ZNF385D: variants seen among roughly 807,000 people sequenced by gnomAD.
ZNF385D encodes zinc finger protein 659.
Under a neutral mutation model 35.8 loss-of-function variants are expected in ZNF385D, and 15 were observed. The ratio of observed to expected loss-of-function variants is 0.42; its 90% confidence interval spans 0.28 to 0.64. ZNF385D has a LOEUF of 0.64. Among genes scored for constraint, ZNF385D ranks in the 30% least tolerant of loss-of-function variants. ZNF385D has a pLI of 0.23. For synonymous variants in ZNF385D, 212 were observed against 186.8 expected (o/e 1.13, Z -1.10); for missense variants, 474 against 494.6 (o/e 0.96, Z 0.39).
At chr3:22,082,785 G>A (rs1454668470) in intron 3 of ZNF385D, among the ~76,000 whole-genome samples, 1 of 152,170 alleles carries the variant, frequency 6.6e-6, no homozygotes, top group Non-Finnish European at 1.5e-5. Context: ...GCCTAACTGG[G>A]AGACACCTCC....
intron 3 of ZNF385D, among the ~76,000 whole-genome samples, chr3:21,870,701 A>C (rs934368482): frequency 1.3e-5 from 2 of 152,144 alleles, no homozygotes; most frequent in Non-Finnish European, 2.9e-5. Context: ...ACTTTTATAG[A>C]TAGGTAGATA....
At chr3:22,148,705 C>G (rs1705027001) in intron 3 of ZNF385D, among the ~76,000 whole-genome samples, 1 of 152,168 alleles carries the variant, frequency 6.6e-6, no homozygotes, top group African/African-American at 2.4e-5. Flanking sequence ...TATGGCTTAT[C>G]AATTGGATCT....
chr3:22,271,986 CAT>C (rs1311130596), intron 2 of ZNF385D, among the ~76,000 whole-genome samples: 1 of 152,044 alleles, frequency 6.6e-6, no homozygotes, highest in Non-Finnish European at 1.5e-5. Context: ...TCTCAGCAAT[CAT>C]GTGGTTAAAC....
At chr3:21,844,467 T>C (rs2125793829) in intron 3 of ZNF385D, among the ~76,000 whole-genome samples, 1 of 150,834 alleles carries the variant, frequency 6.6e-6, no homozygotes, top group East Asian at 2.0e-4. Context: ...GATGCTAAAG[T>C]TGTCCGAAGC....
chr3:21,657,385 C>T (rs2066102754), intron 2 of ZNF385D, among the ~76,000 whole-genome samples: 1 of 151,936 alleles, frequency 6.6e-6, no homozygotes, highest in Non-Finnish European at 1.5e-5. Context: ...TTTTGTGCTT[C>T]GAGGTCACTA....
intron 2 of ZNF385D, among the ~76,000 whole-genome samples, chr3:22,316,159 T>C (rs1364233475): frequency 6.6e-6 from 1 of 152,118 alleles, no homozygotes; most frequent in Non-Finnish European, 1.5e-5. Flanking sequence ...AGGAGGATGG[T>C]TTTCCACACT....
At chr3:21,449,179 G>A (rs1437528258) in intron 4 of ZNF385D, among the ~76,000 whole-genome samples, 1 of 151,310 alleles carries the variant, frequency 6.6e-6, no homozygotes, top group Admixed American at 6.6e-5. Flanking sequence ...TATTAATAAA[G>A]TATGCTAAGA....
chr3:22,270,522 A>G (rs1701118635), intron 2 of ZNF385D, among the ~76,000 whole-genome samples: 2 of 152,074 alleles, frequency 1.3e-5, no homozygotes, highest in South Asian at 2.1e-4. Flanking sequence ...AATTAATAGT[A>G]ACTATTCCTC....
intron 3 of ZNF385D, among the ~76,000 whole-genome samples, chr3:22,141,781 G>A: frequency 6.6e-6 from 1 of 152,168 alleles, no homozygotes; most frequent in East Asian, 1.9e-4. Flanking sequence ...ATCTAATGAA[G>A]TCGTTATTCA....
intron 3 of ZNF385D, among the ~76,000 whole-genome samples, chr3:22,027,752 T>A (rs1697652349): frequency 6.6e-6 from 1 of 152,136 alleles, no homozygotes; most frequent in Non-Finnish European, 1.5e-5. Context: ...AGGCACAAGT[T>A]ACATGAGAAA....
At chr3:21,429,773 T>C (rs1448960469) in intron 5 of ZNF385D, among the ~76,000 whole-genome samples, 2 of 152,150 alleles carry the variant, frequency 1.3e-5, no homozygotes, top group African/African-American at 4.8e-5. Context: ...GCCCATTAAA[T>C]ACTATTTAAT....
At chr3:21,850,008 C>G (rs192584196) in intron 3 of ZNF385D, among the ~76,000 whole-genome samples, 1 of 151,908 alleles carries the variant, frequency 6.6e-6, no homozygotes, top group Non-Finnish European at 1.5e-5. Context: ...CCTGCCAAAG[C>G]GTTGGAATCA....
At chr3:21,636,097 T>C (rs1041553367) in intron 2 of ZNF385D, among the ~76,000 whole-genome samples, 1 of 151,970 alleles carries the variant, frequency 6.6e-6, no homozygotes, top group Non-Finnish European at 1.5e-5. Context: ...CTGAATCAAA[T>C]AGTAGTTCTA....
At chr3:22,106,722 C>T (rs1702232316) in intron 3 of ZNF385D, among the ~76,000 whole-genome samples, 1 of 152,174 alleles carries the variant, frequency 6.6e-6, no homozygotes, top group African/African-American at 2.4e-5. Context: ...AACCTGTCTT[C>T]CAGAATCCCT....
chr3:21,796,733 A>G (rs1013780835), intron 3 of ZNF385D, among the ~76,000 whole-genome samples: 38 of 152,320 alleles, frequency 2.5e-4, no homozygotes, highest in African/African-American at 6.5e-4. Flanking sequence ...TTGATAAGGA[A>G]AATGAGGCTC....
At chr3:21,665,763 A>G (rs541603661) in intron 1 of ZNF385D, among the ~76,000 whole-genome samples, 1 of 152,296 alleles carries the variant, frequency 6.6e-6, no homozygotes, top group Admixed American at 6.5e-5. Flanking sequence ...GCCTTTTGCA[A>G]GAGAGCACAT....
chr3:22,178,429 GT>G (rs1326146544), intron 2 of ZNF385D, among the ~76,000 whole-genome samples: 1 of 151,948 alleles, frequency 6.6e-6, no homozygotes, highest in Admixed American at 6.6e-5. Flanking sequence ...TGTTGATGGG[GT>G]TGTTTTTTTC....
intron 3 of ZNF385D, among the ~76,000 whole-genome samples, chr3:21,824,857 A>G (rs889523434): frequency 1.3e-5 from 2 of 152,326 alleles, no homozygotes; most frequent in South Asian, 4.1e-4. Context: ...ACCATAGGGA[A>G]ATGGTGGAGA....
chr3:21,961,310 A>C (rs1474832934), intron 3 of ZNF385D: 1 of 152,154 alleles, frequency 6.6e-6, no homozygotes, highest in African/African-American at 2.4e-5. Context: ...AACTTACAGG[A>C]ATTTTCTTTC....
Sources: allele counts gnomAD v4.1 joint callset (sites outside exome capture counted in the v4.1 genomes callset), GRCh38; gene constraint gnomAD v4.1.1; transcripts MANE v1.5; gene names NCBI Gene and HGNC (gene_info 2026-07-23, HGNC 2026-07-21).